PODXL: variants seen among roughly 807,000 people sequenced by gnomAD.
The protein encoded by PODXL is podocalyxin like, also known as podocalyxin.
A neutral mutation model predicts 48.9 loss-of-function variants in PODXL; 20 were observed. The observed-to-expected ratio is 0.41, with a 90% confidence interval of 0.29 to 0.59. PODXL has a LOEUF of 0.59. PODXL is among the 20% of genes least tolerant of loss of function. PODXL has a pLI of 0.31. For missense variants in PODXL, 606 were observed against 675.1 expected, an observed-to-expected ratio of 0.90 and a Z score of 1.13; for synonymous variants, 295 against 287.4, an observed-to-expected ratio of 1.03 and a Z score of -0.27.
In PODXL at chr7:131,508,884, T is replaced by TTCCCTC. The variant is rs1428843912; in HGVS notation, c.1101+61_1101+66dup. The TTCCCTC allele has an allele frequency of 3.6e-6, 4 of 1,099,314 alleles. No homozygotes were observed. In the African/African-American group the frequency reaches 6.2e-5, roughly 17 times the overall value. The allele number at this position is 1,099,314 out of a possible 1,614,324, so 68.1% of individuals were successfully genotyped here. A position where few individuals can be genotyped will look rare whatever the true frequency, so the allele number is the denominator to read the frequency against. Reference sequence around the variant, plus strand: ...AAAATGCACCTAGAAAGAACATACATTCCCTCTCCCTCCCTCAGCCCTGCT... The same window carrying TTCCCTC: ...AAAATGCACCTAGAAAGAACATACATTCCCTCTCCCTCTCCCTCCCTCAGCCCTGCT... On this transcript the variant is annotated intron_variant, in intron 5 of 8. Coordinates refer to ENST00000378555, the MANE Select transcript of PODXL (RefSeq NM_001018111.3).
At chr7:131,514,517 G>T (rs1192299228) in intron 1 of PODXL, among the ~76,000 whole-genome samples, 1 of 151,866 alleles carries the variant, frequency 6.6e-6, no homozygotes, top group Non-Finnish European at 1.5e-5. Context: ...ACTATTGATG[G>T]CATCATAGTG....
At chr7:131,530,945 C>T (rs1798270206) in intron 1 of PODXL, among the ~76,000 whole-genome samples, 1 of 152,014 alleles carries the variant, frequency 6.6e-6, no homozygotes, top group Non-Finnish European at 1.5e-5. Context: ...CTAATCCCAG[C>T]TACTCGGGAG....
Position 131,551,948 on chromosome 7 carries a change from A to C in PODXL, c.100+4312T>G, listed in dbSNP as rs184291952. ...CGAGACTCCATCTCAAAAAAAAAAA[A>C]AACAGTGAAGGGCTCTGAGCTAAGT... On this transcript the variant is annotated intron_variant, in intron 1 of 8. Coordinates refer to ENST00000378555, the MANE Select transcript of PODXL (RefSeq NM_001018111.3). 4.0e-3 allele frequency among the ~76,000 whole-genome samples: 595 copies of C among 150,376 alleles called. 1 individual carries two copies. The highest frequency in any genetic ancestry group is 7.0e-3 in the Middle Eastern group (2 of 284).
At chr7:131,505,768 G>T (rs952850840) in intron 8 of PODXL, 100 bp downstream of exon 8, 2 of 1,192,706 alleles carry the variant, frequency 1.7e-6, no homozygotes, top group African/African-American at 1.5e-5. Flanking sequence ...AGGGTCCAGG[G>T]CCTGCTCCCT....
At chr7:131,505,782 C>A (rs1797787204) in intron 8 of PODXL, 86 bp downstream of exon 8, 4 of 1,342,916 alleles carry the variant, frequency 3.0e-6, no homozygotes, top group Non-Finnish European at 4.0e-6. Flanking sequence ...GCTCCCTTTC[C>A]TCTTCTGCAA....
chr7:131,552,109 T>G (rs11763366), intron 1 of PODXL, among the ~76,000 whole-genome samples: 23,505 of 152,192 alleles, frequency 0.15, 2,360 homozygotes, highest in South Asian at 0.25. Context: ...CTTCCCAGGA[T>G]GCAAACTCCC....
At chr7:131,515,375 C>T (rs993754584) in intron 1 of PODXL, among the ~76,000 whole-genome samples, 1 of 152,090 alleles carries the variant, frequency 6.6e-6, no homozygotes, top group Non-Finnish European at 1.5e-5. Flanking sequence ...CATAAGCTCA[C>T]CAGGTCTCTT....
At chr7:131,506,384 CTG>C (rs1797803115) in intron 6 of PODXL, 63 bp from the exon 7 acceptor site, 1 of 1,566,186 alleles carries the variant, frequency 6.4e-7, no homozygotes, top group Admixed American at 1.7e-5. Context: ...GGGACGGGGA[CTG>C]CGCCCCAAGA....
At position 131,503,352 on chromosome 7, in the gene PODXL, T is replaced by G. The variant is rs187054673; in HGVS notation, c.*959A>C. ...GAACAACAAAAGGAACACGCTGCTC[T>G]CACTAGCTACAGCAGATTTTAGTCC... On this transcript the variant is annotated 3_prime_UTR_variant, in exon 9 of 9. Coordinates refer to ENST00000378555, the MANE Select transcript of PODXL (RefSeq NM_001018111.3). The G allele has an allele frequency of 6.7e-3, 1,022 of 152,462 alleles. 7 individuals are homozygous for G. Among genetic ancestry groups the G allele is most frequent in the Non-Finnish European group, 0.011 (760 of 68,068 alleles). 9.4% of individuals were successfully genotyped at this position (152,462 alleles called of 1,614,324 possible). A position where few individuals can be genotyped will look rare whatever the true frequency, so the allele number is the denominator to read the frequency against.
Position 131,501,133 on chromosome 7 carries a change from C to T in PODXL, c.*3178G>A, listed in dbSNP as rs1419726925. The T allele has an allele frequency of 6.6e-6, 1 of 152,338 alleles. No individual in the cohort carries two copies. Among genetic ancestry groups the T allele is most frequent in the Admixed American group, 6.6e-5 (1 of 15,260 alleles). 9.4% of individuals were successfully genotyped at this position (152,338 alleles called of 1,614,324 possible). On this transcript the variant is annotated 3_prime_UTR_variant, in exon 9 of 9. Transcript: ENST00000378555. ...AAAACAAAACAAAACACCTGATCTA[C>T]AAGACAAATACTTTATCATAAGTTT...
Position 131,502,195 on chromosome 7 carries a change from C to T in PODXL, c.*2116G>A, listed in dbSNP as rs1220731068. ...CAGTCTGGCCTCTCCCACGGGACCA[C>T]AACAGAAAACCTACTGGGTGGAGAG... On this transcript the variant is annotated 3_prime_UTR_variant, in exon 9 of 9. Transcript: ENST00000378555. 1 of 152,172 alleles carries T rather than the reference C, an allele frequency of 6.6e-6. No homozygotes were observed. Among genetic ancestry groups the T allele is most frequent in the East Asian group, 1.9e-4 (1 of 5,190 alleles). 9.4% of individuals were successfully genotyped at this position (152,172 alleles called of 1,614,324 possible).
chr7:131,538,970 T>C (rs903785585), intron 1 of PODXL, among the ~76,000 whole-genome samples: 6 of 152,240 alleles, frequency 3.9e-5, no homozygotes, highest in African/African-American at 1.4e-4. Context: ...AATCCTGATC[T>C]GTCTTCCTGG....
chr7:131,518,904 A>T (rs1798051500), intron 1 of PODXL, among the ~76,000 whole-genome samples: 1 of 152,104 alleles, frequency 6.6e-6, no homozygotes, highest in African/African-American at 2.4e-5. Context: ...TGCCCATCTG[A>T]TTACCCAGAG....
chr7:131,542,136 A>G (rs1477616951), intron 1 of PODXL, among the ~76,000 whole-genome samples: 2 of 152,180 alleles, frequency 1.3e-5, no homozygotes, highest in East Asian at 1.9e-4. Flanking sequence ...TGCTTAGATC[A>G]CACAAGATTG....
chr7:131,553,066 C>T lies in PODXL; in HGVS notation c.100+3194G>A, dbSNP rs572146843. On this transcript the variant is annotated intron_variant, in intron 1 of 8. Transcript: ENST00000378555. ...CTCTCAAATTTGCTGGGATTCCAGG[C>T]GTGAGCAGCCACACCCTGCCACCGT... Among the ~76,000 whole-genome samples, 4 of 152,242 alleles carry T rather than the reference C, an allele frequency of 2.6e-5. No homozygotes were observed. The South Asian group carries it at 8.3e-4, about 32-fold the overall frequency.
chr7:131,527,146 G>A (rs1467084173), intron 1 of PODXL, among the ~76,000 whole-genome samples: 4 of 152,120 alleles, frequency 2.6e-5, no homozygotes, highest in African/African-American at 9.7e-5. Context: ...GCCCCATACA[G>A]GTAGCAAGAA....
At chr7:131,553,561 T>C (rs961554934) in intron 1 of PODXL, among the ~76,000 whole-genome samples, 3 of 152,234 alleles carry the variant, frequency 2.0e-5, no homozygotes, top group East Asian at 1.9e-4. Flanking sequence ...CTCATCTTCA[T>C]AGCAACCCAC....
At chr7:131,540,439 G>A (rs1212304795) in intron 1 of PODXL, among the ~76,000 whole-genome samples, 7 of 151,812 alleles carry the variant, frequency 4.6e-5, no homozygotes, top group African/African-American at 1.2e-4. Flanking sequence ...CAACTGTCTC[G>A]GGGATGAGTG....
At chr7:131,526,037 G>A (rs1433606560) in intron 1 of PODXL, among the ~76,000 whole-genome samples, 1 of 152,146 alleles carries the variant, frequency 6.6e-6, no homozygotes, top group Admixed American at 6.5e-5. Flanking sequence ...TGGAAGCAGT[G>A]ACAAACCAGT....
Sources: allele counts gnomAD v4.1 joint callset (sites outside exome capture counted in the v4.1 genomes callset), GRCh38; gene constraint gnomAD v4.1.1; transcripts MANE v1.5; gene names NCBI Gene and HGNC (gene_info 2026-07-23, HGNC 2026-07-21).